MBOAT2: variants seen among roughly 807,000 people sequenced by gnomAD.
MBOAT2 encodes the protein membrane bound glycerophospholipid O-acyltransferase 2.
MBOAT2 carries 28 observed loss-of-function variants against 63.4 expected under a neutral mutation model. The observed-to-expected ratio is 0.44, with a 90% CI of 0.33 to 0.61. The LOEUF (loss-of-function observed/expected upper bound fraction) is 0.61. MBOAT2 is among the 20% of genes least tolerant of loss of function. MBOAT2 has a pLI of 0.03. For missense variants in MBOAT2, 470 were observed against 605.8 expected (o/e 0.78, Z 2.35); for synonymous variants, 211 against 215.6 (o/e 0.98, Z 0.19).
intron 1 of MBOAT2, among the ~76,000 whole-genome samples, chr2:8,984,028 G>T (rs1450417576): frequency 6.6e-6 from 1 of 152,132 alleles, no homozygotes; most frequent in African/African-American, 2.4e-5. Context: ...TAAGAACTAT[G>T]AATAGAATAT....
chr2:8,890,158 C>T (rs1442367555), intron 4 of MBOAT2, among the ~76,000 whole-genome samples: 1 of 152,166 alleles, frequency 6.6e-6, no homozygotes, highest in Non-Finnish European at 1.5e-5. Flanking sequence ...TCCCTTTACC[C>T]AGACTACTCT....
At chr2:8,975,342 T>G (rs1485239166) in intron 1 of MBOAT2, among the ~76,000 whole-genome samples, 2 of 152,126 alleles carry the variant, frequency 1.3e-5, no homozygotes, top group Non-Finnish European at 2.9e-5. Flanking sequence ...GTGCTTATAT[T>G]AAACCGTCAC....
chr2:8,989,281 A>T (rs1229302963), intron 1 of MBOAT2, among the ~76,000 whole-genome samples: 2 of 152,198 alleles, frequency 1.3e-5, no homozygotes, highest in Non-Finnish European at 2.9e-5. Context: ...CAGCCCGTTA[A>T]CGTCAAATGA....
chr2:8,943,528 C>T (rs1373027701), intron 2 of MBOAT2, among the ~76,000 whole-genome samples: 5 of 152,144 alleles, frequency 3.3e-5, no homozygotes, highest in South Asian at 2.1e-4. Flanking sequence ...GCATGGAAGC[C>T]GTGTGGGATT....
intron 3 of MBOAT2, among the ~76,000 whole-genome samples, chr2:8,922,551 GT>G (rs1666651634): frequency 6.6e-6 from 1 of 152,190 alleles, no homozygotes; most frequent in Non-Finnish European, 1.5e-5. Context: ...TCTCTACTCA[GT>G]TTTTTAAAGC....
chr2:8,972,317 G>A (rs1670513220), intron 1 of MBOAT2, among the ~76,000 whole-genome samples: 1 of 152,204 alleles, frequency 6.6e-6, no homozygotes, highest in Admixed American at 6.5e-5. Flanking sequence ...CTAGCCATAT[G>A]TAGAAAGCTG....
intron 1 of MBOAT2, among the ~76,000 whole-genome samples, chr2:8,993,460 A>G (rs1463057549): frequency 6.6e-6 from 1 of 152,206 alleles, no homozygotes; most frequent in African/African-American, 2.4e-5. Flanking sequence ...AGGGGAGCTC[A>G]GTCTGTGGAG....
In MBOAT2 at chr2:8,853,272, A is replaced by G. The variant is rs1324835719; in HGVS notation, c.*5407T>C. 6.6e-6 allele frequency: 1 copy of G among 152,218 alleles called. No individual in the cohort carries two copies. The highest frequency in any genetic ancestry group is 2.4e-5 in the African/African-American group (1 of 41,454). 9.4% of individuals were successfully genotyped at this position (152,218 alleles called of 1,614,324 possible). A position where few individuals can be genotyped will look rare whatever the true frequency, so the allele number is the denominator to read the frequency against. ...GACAAGATGGACAAGACTGGTTTGG[A>G]ACACATTTGTGTTCAATGTTTGATT... On this transcript the variant is annotated 3_prime_UTR_variant, in exon 13 of 13. Coordinates refer to ENST00000305997, the MANE Select transcript of MBOAT2 (RefSeq NM_138799.4).
chr2:8,888,732 T>TA (rs1663755741), intron 4 of MBOAT2, among the ~76,000 whole-genome samples: 1 of 152,008 alleles, frequency 6.6e-6, no homozygotes, highest in South Asian at 2.1e-4. Context: ...CAGACAGTAT[T>TA]AAAAAACAGT....
chr2:8,949,157 C>T (rs1445078756), intron 2 of MBOAT2, among the ~76,000 whole-genome samples: 1 of 152,028 alleles, frequency 6.6e-6, no homozygotes, highest in East Asian at 1.9e-4. Context: ...CTTTTCATGC[C>T]TTTTGCCCAT....
At chr2:8,980,098 C>T (rs1341925427) in intron 1 of MBOAT2, among the ~76,000 whole-genome samples, 1 of 152,102 alleles carries the variant, frequency 6.6e-6, no homozygotes, top group South Asian at 2.1e-4. Context: ...TGGTATGCTG[C>T]AAGTAATTTA....
intron 8 of MBOAT2, among the ~76,000 whole-genome samples, chr2:8,869,506 C>A (rs958974557): frequency 1.3e-5 from 2 of 152,110 alleles, no homozygotes; most frequent in African/African-American, 4.8e-5. Context: ...AAAGAAAAAA[C>A]AAACAAATCC....
At chr2:8,875,465 A>G (rs924592088) in intron 7 of MBOAT2, among the ~76,000 whole-genome samples, 1 of 152,194 alleles carries the variant, frequency 6.6e-6, no homozygotes, top group African/African-American at 2.4e-5. Flanking sequence ...ATTTACTACT[A>G]TCACTTTTAT....
At chr2:8,895,483 A>G (rs1664383087) in intron 4 of MBOAT2, among the ~76,000 whole-genome samples, 1 of 152,156 alleles carries the variant, frequency 6.6e-6, no homozygotes, top group Non-Finnish European at 1.5e-5. Context: ...TCCTCACCCA[A>G]TTAGCTAGAC....
intron 3 of MBOAT2, among the ~76,000 whole-genome samples, chr2:8,929,054 G>C (rs1030983164): frequency 6.6e-6 from 1 of 152,088 alleles, no homozygotes; most frequent in Admixed American, 6.5e-5. Context: ...AAAGGTAGTG[G>C]GGAGGTGGGA....
chr2:9,002,883 A>T (rs62119998), intron 1 of MBOAT2, among the ~76,000 whole-genome samples: 33,979 of 152,120 alleles, frequency 0.22, 6,317 homozygotes, highest in African/African-American at 0.51. Flanking sequence ...CTTTGTCAGC[A>T]AGAATCCTGG....
chr2:8,943,126 T>C (rs1668166695), intron 3 of MBOAT2, 61 bp downstream of exon 3: 1 of 927,292 alleles, frequency 1.1e-6, no homozygotes, highest in Non-Finnish European at 1.6e-6. Context: ...TAAAATTCTA[T>C]TTTGATGCAG....
chr2:8,974,642 A>C (rs1670692400), intron 1 of MBOAT2, among the ~76,000 whole-genome samples: 1 of 152,148 alleles, frequency 6.6e-6, no homozygotes, highest in Non-Finnish European at 1.5e-5. Flanking sequence ...ATGTGGTAAA[A>C]GTGAGACTTA....
chr2:8,881,349 G>A (rs1663119956), intron 6 of MBOAT2, among the ~76,000 whole-genome samples: 1 of 152,170 alleles, frequency 6.6e-6, no homozygotes, highest in Non-Finnish European at 1.5e-5. Context: ...TGGGAGGAAG[G>A]AGACTATATC....
Sources: gnomAD v4.1 joint callset for allele counts (sites outside exome capture counted in the v4.1 genomes callset) on GRCh38, gnomAD v4.1.1 for gene constraint, MANE v1.5 for transcripts, NCBI Gene and HGNC (gene_info 2026-07-23, HGNC 2026-07-21) for gene names.